The following LRRC40 variants were observed in gnomAD, a reference collection of about 807,000 sequenced individuals.
LRRC40 encodes leucine rich repeat containing 40.
A neutral mutation model predicts 72.8 loss-of-function variants in LRRC40; 76 were observed. The ratio of observed to expected loss-of-function variants is 1.04; its 90% CI spans 0.87 to 1.26. LRRC40 has a LOEUF of 1.26. Among genes scored for constraint, LRRC40 ranks in the 50% most tolerant of loss-of-function variants. The pLI is 0.00. For missense variants in LRRC40, 684 were observed against 698.9 expected, an observed-to-expected ratio of 0.98 and a Z score of 0.24; for synonymous variants, 243 against 254.2, an observed-to-expected ratio of 0.96 and a Z score of 0.42.
chr1:70,189,301 A>T, intron 1 of LRRC40, 28 bp from the exon 2 acceptor site: 3 of 1,024,108 alleles, frequency 2.9e-6, no homozygotes, highest in Non-Finnish European at 3.9e-6. Flanking sequence ...ACACCAGGAA[A>T]AAAAAAAAAA....
chr1:70,148,757 G>A (rs1558106658), intron 13 of LRRC40, 85 bp from the exon 14 acceptor site: 1 of 816,518 alleles, frequency 1.2e-6, no homozygotes. Context: ...AATTTGACAT[G>A]ACAGTTTTTT....
chr1:70,197,066 G>T lies in LRRC40; in HGVS notation c.152-7793C>A, dbSNP rs1052031237. On this transcript the variant is annotated intron_variant, in intron 1 of 14. Coordinates refer to ENST00000370952, the MANE Select transcript of LRRC40 (RefSeq NM_017768.5). ...TTCTACAATGACGTAAATGCCCTAC[G>T]TTGGCACTATTCAATAGGATAGCTA... 2.0e-5 allele frequency among the ~76,000 whole-genome samples: 3 copies of T among 152,220 alleles called. No homozygotes were observed. The East Asian group carries it at 5.8e-4, about 29-fold the overall frequency.
At chr1:70,191,191 C>A (rs535656691) in intron 1 of LRRC40, among the ~76,000 whole-genome samples, 54 of 149,882 alleles carry the variant, frequency 3.6e-4, no homozygotes, top group African/African-American at 1.3e-3. Flanking sequence ...TTTAAAAAGG[C>A]AAGATAAAAC....
chr1:70,157,489 A>G (rs927430600), intron 10 of LRRC40, among the ~76,000 whole-genome samples: 20 of 152,334 alleles, frequency 1.3e-4, no homozygotes, highest in Admixed American at 1.3e-3. Context: ...TGTGCCTTTA[A>G]GAAGTAGAAA....
At chr1:70,171,492 T>C (rs1199613106) in intron 9 of LRRC40, among the ~76,000 whole-genome samples, 2 of 151,892 alleles carry the variant, frequency 1.3e-5, no homozygotes, top group Non-Finnish European at 2.9e-5. Flanking sequence ...TACAGCTCAA[T>C]GATTTAAAAA....
intron 9 of LRRC40, among the ~76,000 whole-genome samples, chr1:70,167,541 C>T (rs906022062): frequency 2.6e-5 from 4 of 152,212 alleles, no homozygotes; most frequent in Non-Finnish European, 4.4e-5. Context: ...GGCTGGGTGA[C>T]AGAATGAGAC....
chr1:70,164,800 C>T (rs1463772025), intron 9 of LRRC40, among the ~76,000 whole-genome samples: 2 of 152,028 alleles, frequency 1.3e-5, no homozygotes, highest in African/African-American at 2.4e-5. Context: ...AACCTCAAAC[C>T]CAGTCCTTAA....
At chr1:70,184,674 A>C in intron 4 of LRRC40, 111 bp downstream of exon 4, 1 of 1,037,184 alleles carries the variant, frequency 9.6e-7, no homozygotes, top group Non-Finnish European at 1.4e-6. Flanking sequence ...ATCTAATCAC[A>C]AAATCAGCTG....
chr1:70,205,553 A>G lies in LRRC40; in HGVS notation c.-13T>C. ...TCAGGCGCGACATGTTCAAAGTCCTAGGTCCAGAAGCTGCAGCCCCACCCG... is the reference window on the plus strand; with the variant it reads ...TCAGGCGCGACATGTTCAAAGTCCTGGGTCCAGAAGCTGCAGCCCCACCCG... On this transcript the variant is annotated 5_prime_UTR_variant, in exon 1 of 15. Transcript: ENST00000370952. 1 of 1,580,340 alleles carries G rather than the reference A, an allele frequency of 6.3e-7. No individual in the cohort carries two copies. Among genetic ancestry groups the G allele is most frequent in the Non-Finnish European group, 8.7e-7 (1 of 1,154,006 alleles).
At chr1:70,164,337 C>T (rs1667832036) in intron 9 of LRRC40, among the ~76,000 whole-genome samples, 1 of 152,006 alleles carries the variant, frequency 6.6e-6, no homozygotes. Flanking sequence ...TTGCAGTGAG[C>T]CGAGATCGCG....
At chr1:70,166,777 T>A (rs1260342151) in intron 9 of LRRC40, among the ~76,000 whole-genome samples, 2 of 152,144 alleles carry the variant, frequency 1.3e-5, no homozygotes, top group Non-Finnish European at 2.9e-5. Context: ...GTAGCTGAGC[T>A]GGATATTTTC....
chr1:70,179,482 C>T (rs1280350816), intron 5 of LRRC40, among the ~76,000 whole-genome samples: 1 of 152,018 alleles, frequency 6.6e-6, no homozygotes, highest in Non-Finnish European at 1.5e-5. Flanking sequence ...ACAACAGTCC[C>T]GGTCATTTTT....
At chr1:70,177,324 T>A (rs941995507) in intron 6 of LRRC40, among the ~76,000 whole-genome samples, 1 of 152,066 alleles carries the variant, frequency 6.6e-6, no homozygotes, top group Non-Finnish European at 1.5e-5. Context: ...AGAAAAATCA[T>A]AACTACATAA....
Position 70,145,166 on chromosome 1 carries a change from T to C in LRRC40, c.*634A>G, listed in dbSNP as rs148058487. 27 of 152,314 alleles carry C rather than the reference T, an allele frequency of 1.8e-4. No homozygotes were observed. The highest frequency in any genetic ancestry group is 6.5e-4 in the African/African-American group (27 of 41,582). 9.4% of individuals were successfully genotyped at this position (152,314 alleles called of 1,614,324 possible). A position where few individuals can be genotyped will look rare whatever the true frequency, so the allele number is the denominator to read the frequency against. On this transcript the variant is annotated 3_prime_UTR_variant, in exon 15 of 15. Coordinates refer to ENST00000370952, the MANE Select transcript of LRRC40 (RefSeq NM_017768.5). ...AAAGGTTTTAAGTTGAAATGTGTAC[T>C]GAGATTAGCCATATCACAAAAGTCC...
At position 70,181,075 on chromosome 1, in the gene LRRC40, A is replaced by G; in HGVS notation, c.661+11T>C. ...CAAATTTATGTATTATGTAAAACAGAAAATATTTACTTTTCATTCTATTTA... is the reference window on the plus strand; with the variant it reads ...CAAATTTATGTATTATGTAAAACAGGAAATATTTACTTTTCATTCTATTTA... On this transcript the variant is annotated intron_variant, in intron 5 of 14. Transcript: ENST00000370952. 3 of 1,479,014 alleles carry G rather than the reference A, an allele frequency of 2.0e-6. No individual in the cohort carries two copies. The highest frequency in any genetic ancestry group is 2.8e-6 in the Non-Finnish European group (3 of 1,082,140). The allele number at this position is 1,479,014 out of a possible 1,614,324, so 91.6% of individuals were successfully genotyped here.
chr1:70,171,990 T>C (rs1668009679), intron 9 of LRRC40, among the ~76,000 whole-genome samples: 1 of 152,130 alleles, frequency 6.6e-6, no homozygotes, highest in Admixed American at 6.5e-5. Context: ...ATGGCCTAAA[T>C]GTATGTGTTA....
intron 1 of LRRC40, among the ~76,000 whole-genome samples, chr1:70,191,408 C>T (rs577654718): frequency 6.0e-4 from 91 of 152,060 alleles, no homozygotes; most frequent in African/African-American, 2.1e-3. Context: ...AATTTATACA[C>T]AACATAATAA....
chr1:70,148,827 TAAAGAG>T lies in LRRC40; in HGVS notation c.1518-161_1518-156del, dbSNP rs962444474. ...TCCTGTATTTGAATTTTACAAAAAA[TAAAGAG>T]AAAGGGCTAATTTTGAAAACCTTGA... is the stretch of plus-strand genomic sequence containing the variant. On this transcript the variant is annotated intron_variant, in intron 13 of 14. Transcript: ENST00000370952. Among the ~76,000 whole-genome samples the T allele has an allele frequency of 1.1e-4, 16 of 152,260 alleles. No individual in the cohort carries two copies. In the East Asian group the frequency reaches 1.2e-3, roughly 11 times the overall value.
intron 11 of LRRC40, among the ~76,000 whole-genome samples, chr1:70,154,780 GTGCATAA>G (rs1356522600): frequency 6.6e-6 from 1 of 151,158 alleles, no homozygotes; most frequent in Non-Finnish European, 1.5e-5. Flanking sequence ...AAGTATTTAC[GTGCATAA>G]AAGCATTAGG....
Sources: gnomAD v4.1 joint callset for allele counts (sites outside exome capture counted in the v4.1 genomes callset) on GRCh38, gnomAD v4.1.1 for gene constraint, MANE v1.5 for transcripts, NCBI Gene and HGNC (gene_info 2026-07-23, HGNC 2026-07-21) for gene names.